Variants in PTPRT observed in about 807,000 individuals in gnomAD.
PTPRT encodes the protein receptor-type tyrosine-protein phosphatase T.
PTPRT carries 56 observed loss-of-function variants against 176.8 expected under a neutral mutation model. The ratio of observed to expected loss-of-function variants is 0.32; its 90% CI spans 0.26 to 0.40. PTPRT has a LOEUF of 0.40. Ranked by LOEUF, PTPRT falls within the 10% of genes least tolerant of loss-of-function variation. The probability of loss-of-function intolerance (pLI) is 1.00; values close to 1 mark genes in which losing one functional copy is unlikely to be tolerated. For synonymous variants in PTPRT, 783 were observed against 739.0 expected (o/e 1.06, Z -0.96); for missense variants, 1,540 against 1,908.2 (o/e 0.81, Z 3.60).
chr20:42,635,553 G>C (rs978693647), intron 7 of PTPRT, among the ~76,000 whole-genome samples: 2 of 152,014 alleles, frequency 1.3e-5, no homozygotes, highest in African/African-American at 4.8e-5. Flanking sequence ...TTGAAAAATT[G>C]TTATTATTTT....
rs1216258623 is a variant in PTPRT, at chr20:42,203,541, C to T, written c.2343-4153G>A. On this transcript the variant is annotated intron_variant, in intron 15 of 30. Transcript: ENST00000373187. ...TCTCCACTGGTCACCTCCTCTTTGT[C>T]CTCCAAGGCTCAATGTAAGTGTCAC... Among the ~76,000 whole-genome samples the T allele has an allele frequency of 2.0e-5, 3 of 152,316 alleles. No homozygotes were observed. In the East Asian group the frequency reaches 5.8e-4, roughly 29 times the overall value.
chr20:42,852,539 A>G (rs1340665777), intron 2 of PTPRT, among the ~76,000 whole-genome samples: 1 of 152,104 alleles, frequency 6.6e-6, no homozygotes, highest in Non-Finnish European at 1.5e-5. Context: ...CCTCCTTCAT[A>G]TATTTTTTTA....
chr20:42,402,483 TAAAAAAAAAAAAAA>T (rs3061921), intron 9 of PTPRT, among the ~76,000 whole-genome samples: 6 of 95,158 alleles, frequency 6.3e-5, no homozygotes, highest in African/African-American at 1.6e-4. Flanking sequence ...ATAGTGCAGT[TAAAAAAAAAAAAAA>T]AAAAAAAAAA....
chr20:42,257,089 C>T (rs778957743), intron 13 of PTPRT, among the ~76,000 whole-genome samples: 20 of 152,216 alleles, frequency 1.3e-4, no homozygotes, highest in Non-Finnish European at 2.8e-4. Context: ...ATGGTTGTGA[C>T]ACCAAATGGG....
At chr20:42,716,521 A>T (rs183816718) in intron 6 of PTPRT, among the ~76,000 whole-genome samples, 2 of 152,140 alleles carry the variant, frequency 1.3e-5, no homozygotes, top group East Asian at 3.9e-4. Context: ...GCATTTTTTC[A>T]TGTGTCTTTT....
At chr20:42,278,725 G>A (rs2057089921) in intron 13 of PTPRT, among the ~76,000 whole-genome samples, 1 of 152,110 alleles carries the variant, frequency 6.6e-6, no homozygotes. Context: ...TGAGATACCT[G>A]GGTACCTCCT....
At chr20:42,628,007 C>T (rs2074327859) in intron 7 of PTPRT, among the ~76,000 whole-genome samples, 1 of 152,110 alleles carries the variant, frequency 6.6e-6, no homozygotes, top group Non-Finnish European at 1.5e-5. Context: ...ACTGGGAGAA[C>T]AGGTCAGTCA....
chr20:42,176,822 A>T (rs1428686422), intron 16 of PTPRT, among the ~76,000 whole-genome samples: 1 of 152,186 alleles, frequency 6.6e-6, no homozygotes, highest in African/African-American at 2.4e-5. Context: ...AAATAACTAA[A>T]CTTGTCTGAA....
chr20:42,874,916 T>G (rs1470318758), intron 2 of PTPRT, among the ~76,000 whole-genome samples: 1 of 152,194 alleles, frequency 6.6e-6, no homozygotes, highest in Non-Finnish European at 1.5e-5. Flanking sequence ...GAGATGAAGT[T>G]TTGCTTTCGT....
chr20:43,009,965 T>C (rs757960514), intron 1 of PTPRT, among the ~76,000 whole-genome samples: 3 of 152,054 alleles, frequency 2.0e-5, no homozygotes, highest in Non-Finnish European at 4.4e-5. Flanking sequence ...ACTCAACACA[T>C]CCAAGGCCAA....
At chr20:42,325,969 A>G (rs1266517368) in intron 11 of PTPRT, among the ~76,000 whole-genome samples, 2 of 152,080 alleles carry the variant, frequency 1.3e-5, no homozygotes, top group African/African-American at 4.8e-5. Context: ...GAGATAGGCA[A>G]CCTAAGGAAG....
In PTPRT at chr20:42,951,701, G is replaced by A. The variant is rs1480587940; in HGVS notation, c.89-65769C>T. Among the ~76,000 whole-genome samples, 3 of 152,186 alleles carry A rather than the reference G, an allele frequency of 2.0e-5. No homozygotes were observed. The East Asian group carries it at 5.8e-4, about 29-fold the overall frequency. On this transcript the variant is annotated intron_variant, in intron 1 of 30. Coordinates refer to ENST00000373187, the MANE Select transcript of PTPRT (RefSeq NM_007050.6). The stretch of plus-strand genomic sequence containing the variant: ...ATGATCCAGGTGAGAGCTGATGGTA[G>A]CTTGGTCTAGGATAACAGCAGTGGA...
intron 2 of PTPRT, among the ~76,000 whole-genome samples, chr20:42,830,811 A>C (rs1260071986): frequency 6.6e-6 from 1 of 152,248 alleles, no homozygotes; most frequent in African/African-American, 2.4e-5. Context: ...AAAAAGAATA[A>C]AATACCTAGG....
At chr20:43,058,357 T>C (rs1336300456) in intron 1 of PTPRT, among the ~76,000 whole-genome samples, 1 of 132,032 alleles carries the variant, frequency 7.6e-6, no homozygotes, top group Admixed American at 8.0e-5. Context: ...GAGAGAACAA[T>C]GAAGAGAGAG....
intron 7 of PTPRT, among the ~76,000 whole-genome samples, chr20:42,539,471 AATGT>A (rs2072539220): frequency 6.6e-6 from 1 of 151,464 alleles, no homozygotes; most frequent in Non-Finnish European, 1.5e-5. Context: ...TCAATTTATC[AATGT>A]CCTTAATTGT....
chr20:42,096,861 C>G (rs1272809396), intron 27 of PTPRT, among the ~76,000 whole-genome samples: 5 of 148,958 alleles, frequency 3.4e-5, no homozygotes, highest in Middle Eastern at 3.5e-3. Context: ...CAGGCATGAG[C>G]CACCATGCCC....
At chr20:42,409,481 C>CAAAAAAAAAA (rs58932390) in intron 9 of PTPRT, among the ~76,000 whole-genome samples, 17 of 112,164 alleles carry the variant, frequency 1.5e-4, no homozygotes, top group East Asian at 3.0e-4. Context: ...GACTCTGTCG[C>CAAAAAAAAAA]AAAAAAAAAA....
At chr20:42,473,928 A>G (rs1257470324) in intron 7 of PTPRT, among the ~76,000 whole-genome samples, 1 of 152,180 alleles carries the variant, frequency 6.6e-6, no homozygotes, top group Non-Finnish European at 1.5e-5. Context: ...ACTTTGCCCA[A>G]TTATGTATCC....
chr20:42,568,273 G>A (rs1172616148), intron 7 of PTPRT, among the ~76,000 whole-genome samples: 4 of 151,878 alleles, frequency 2.6e-5, no homozygotes, highest in African/African-American at 9.7e-5. Flanking sequence ...GGCTGAGTTT[G>A]CGTTTCTTGA....
Sources: gnomAD v4.1 joint callset for allele counts (sites outside exome capture counted in the v4.1 genomes callset) on GRCh38, gnomAD v4.1.1 for gene constraint, MANE v1.5 for transcripts, NCBI Gene and HGNC (gene_info 2026-07-23, HGNC 2026-07-21) for gene names.